CHRND: variants seen among roughly 807,000 people sequenced by gnomAD.
CHRND encodes the protein acetylcholine receptor subunit delta.
CHRND carries 40 observed loss-of-function variants against 57.8 expected under a neutral mutation model. The ratio of observed to expected loss-of-function variants is 0.69; its 90% CI spans 0.54 to 0.90. The LOEUF is 0.90. CHRND is among the 40% of genes least tolerant of loss of function. The pLI is 0.00. For missense variants in CHRND, 634 were observed against 673.9 expected (o/e 0.94, Z 0.66); for synonymous variants, 237 against 270.6 (o/e 0.88, Z 1.22).
chr2:232,526,440 C>A, intron 1 of CHRND, 89 bp from the exon 2 acceptor site: 1 of 1,598,546 alleles, frequency 6.3e-7, no homozygotes, highest in Non-Finnish European at 8.5e-7. Flanking sequence ...CTCATCCCAA[C>A]CTCATGGTCC....
chr2:232,533,906 T>C, intron 9 of CHRND, 25 bp from the exon 10 acceptor site: 2 of 1,609,606 alleles, frequency 1.2e-6, no homozygotes, highest in Non-Finnish European at 1.7e-6. Flanking sequence ...AACGCCTTTC[T>C]TGTGGCCCCT....
rs60481847 is a variant in CHRND, at chr2:232,527,302, G to GA, written c.199-90dup. 2.9e-3 allele frequency: 2,756 copies of GA among 940,454 alleles called. 29 individuals are homozygous for GA. The highest frequency in any genetic ancestry group is 0.028 in the African/African-American group (1,731 of 60,938). The allele number at this position is 940,454 out of a possible 1,614,324, so 58.3% of individuals were successfully genotyped here. On this transcript the variant is annotated intron_variant, in intron 2 of 11. Transcript: ENST00000258385. ...TCCTGGGCAATTGAGCAAGACCCTG[G>GA]AAAAAAAAAGAGAGAGAGAGAGAGA...
At chr2:232,526,376 G>A (rs368375643) in intron 1 of CHRND, 109 bp downstream of exon 1, 1 of 1,512,068 alleles carries the variant, frequency 6.6e-7, no homozygotes, top group Non-Finnish European at 9.0e-7. Context: ...CTCTCCCTGT[G>A]GGGGGCCGCC....
intron 9 of CHRND, 87 bp from the exon 10 acceptor site, chr2:232,533,844 T>C: frequency 7.1e-7 from 1 of 1,414,250 alleles, no homozygotes; most frequent in East Asian, 2.3e-5. Context: ...GCCACTGCAC[T>C]CCAGCCTGGT....
At chr2:232,531,279 C>T (rs1299405447) in intron 7 of CHRND, 73 bp from the exon 8 acceptor site, 34 of 767,736 alleles carry the variant, frequency 4.4e-5, no homozygotes, top group South Asian at 1.3e-4. Flanking sequence ...CCTCTAGGAC[C>T]GGTGCCCCAA....
Position 232,536,631 on chromosome 2 carries a change from G to C in CHRND, c.*1319G>C, listed in dbSNP as rs1365062474. 30 of 361,292 alleles carry C rather than the reference G, an allele frequency of 8.3e-5. No individual in the cohort carries two copies. The highest frequency in any genetic ancestry group is 1.1e-5 in the Non-Finnish European group (2 of 183,478). 22.4% of individuals were successfully genotyped at this position (361,292 alleles called of 1,614,324 possible). A position where few individuals can be genotyped will look rare whatever the true frequency, so the allele number is the denominator to read the frequency against. ...CCTGGATTCCTGACCCCCAGAAACT[G>C]TGTGAGATAATAAATGTGTGTTGTT... On this transcript the variant is annotated 3_prime_UTR_variant, in exon 12 of 12. Coordinates refer to ENST00000258385, the MANE Select transcript of CHRND (RefSeq NM_000751.3).
chr2:232,529,841 G>A (rs993532291), intron 6 of CHRND, 98 bp from the exon 7 acceptor site: 68 of 1,333,694 alleles, frequency 5.1e-5, no homozygotes, highest in Non-Finnish European at 6.7e-5. Flanking sequence ...CTGCGTCTCT[G>A]GACTGGCTTG....
rs1166617163 is a variant in CHRND at position 232,530,100 on chromosome 2, T to A, written c.781T>A (p.Ser261Thr). Residue 261 changes from serine to threonine, a missense_variant, in exon 7 of 12, where the codon TCC becomes ACC. Transcript: ENST00000258385. ...CATCCTGGTGCCCTGCGTGCTCATC[T>A]CCTTCATGGTCAACCTGGTCTTCTA... ...INILVPCVLI[S>T]FMVNLVFYLP... is the part of the protein sequence containing the mutation. 6.2e-7 allele frequency: 1 copy of A among 1,613,952 alleles called. No individual in the cohort carries two copies. The highest frequency in any genetic ancestry group is 8.5e-7 in the Non-Finnish European group (1 of 1,179,998).
intron 9 of CHRND, among the ~76,000 whole-genome samples, chr2:232,533,060 G>T (rs778372569): frequency 1.3e-5 from 2 of 151,958 alleles, no homozygotes; most frequent in African/African-American, 2.4e-5. Flanking sequence ...TCCCTCTGTC[G>T]CCCAGGCTGG....
intron 11 of CHRND, among the ~76,000 whole-genome samples, chr2:232,534,920 C>T (rs1691830342): frequency 6.6e-6 from 1 of 152,204 alleles, no homozygotes; most frequent in African/African-American, 2.4e-5. Flanking sequence ...ATGGTCTGTT[C>T]CCGCCTCCTC....
chr2:232,528,779 A>G, intron 5 of CHRND, 83 bp from the exon 6 acceptor site: 14 of 1,561,350 alleles, frequency 9.0e-6, no homozygotes, highest in Non-Finnish European at 1.2e-5. Context: ...CCTCCCCACA[A>G]TGGTCCTCCC....
chr2:232,533,955 C>A lies in CHRND; in HGVS notation c.1072C>A (p.Leu358Ile), dbSNP rs1470717079. ...KKLFLETLPE[L>I]LHMSRPAEDG... Reference sequence around the variant, plus strand: ...GCTCTTCCTGGAGACCCTGCCGGAGCTCCTGCACATGTCCCGCCCAGCAGA... The same window carrying A: ...GCTCTTCCTGGAGACCCTGCCGGAGATCCTGCACATGTCCCGCCCAGCAGA... Residue 358 changes from leucine to isoleucine, a missense_variant, in exon 10 of 12, where the codon CTC (leucine) becomes ATC (isoleucine). Leu to Ile is a conservative substitution (Grantham distance 5). Coordinates refer to ENST00000258385, the MANE Select transcript of CHRND (RefSeq NM_000751.3). 6.2e-7 allele frequency: 1 copy of A among 1,613,236 alleles called. No homozygotes were observed. Among genetic ancestry groups the A allele is most frequent in the Non-Finnish European group, 8.5e-7 (1 of 1,179,962 alleles).
rs187837692 is a variant in CHRND, at chr2:232,526,668, C to T, written c.192C>T (p.Ile64=). The T allele has an allele frequency of 4.3e-6, 7 of 1,613,534 alleles. No homozygotes were observed. The East Asian group carries it at 1.6e-4, about 36-fold the overall frequency. The change falls in exon 2 of 12, where the codon ATC becomes ATT. Residue 64 remains isoleucine (I), a synonymous_variant. Transcript: ENST00000258385. The stretch of plus-strand genomic sequence containing the variant: ...TGGCCCTCACACTCTCCAACCTCAT[C>T]TCCCTGGTGAGAGGCCCTCCGGTGC... ...VALALTLSNL[I]SLKEVEETLT... is the part of the protein sequence containing the mutation.
At chr2:232,529,744 G>A (rs1221933114) in intron 6 of CHRND, among the ~76,000 whole-genome samples, 195 bp from the exon 7 acceptor site, 1 of 152,154 alleles carries the variant, frequency 6.6e-6, no homozygotes, top group African/African-American at 2.4e-5. Context: ...ATCAGTCACA[G>A]AGGAAGATTT....
At position 232,536,344 on chromosome 2, in the gene CHRND, C is replaced by T. The variant is rs886055786; in HGVS notation, c.*1032C>T. ...TTCCCAGATTTGGTTAGGAAAGACA[C>T]TATGGCCTCTTTCTTGCTCATTAGC... On this transcript the variant is annotated 3_prime_UTR_variant, in exon 12 of 12. Transcript: ENST00000258385. 7 of 454,038 alleles carry T rather than the reference C, an allele frequency of 1.5e-5. No individual in the cohort carries two copies. Among genetic ancestry groups the T allele is most frequent in the African/African-American group, 4.0e-5 (2 of 50,024 alleles). 28.1% of individuals were successfully genotyped at this position (454,038 alleles called of 1,614,324 possible).
At position 232,532,393 on chromosome 2, in the gene CHRND, G is replaced by A. The variant is rs535338553; in HGVS notation, c.1047+737G>A. 3.4e-5 allele frequency among the ~76,000 whole-genome samples: 5 copies of A among 149,112 alleles called. No individual in the cohort carries two copies. The South Asian group carries it at 6.4e-4, about 19-fold the overall frequency. ...TGAGGTACGAGAATCGCTTGAACTCGGGAGGTGGAGGTTGCAGTGAGCCGA... is the reference window on the plus strand; with the variant it reads ...TGAGGTACGAGAATCGCTTGAACTCAGGAGGTGGAGGTTGCAGTGAGCCGA... On this transcript the variant is annotated intron_variant, in intron 9 of 11. Coordinates refer to ENST00000258385, the MANE Select transcript of CHRND (RefSeq NM_000751.3).
rs532380193 is a variant in CHRND at position 232,530,246 on chromosome 2, C to T, written c.820+107C>T. On this transcript the variant is annotated intron_variant, in intron 7 of 11. Coordinates refer to ENST00000258385, the MANE Select transcript of CHRND (RefSeq NM_000751.3). ...CCTCCTGGGAGCCACCTGGGGTCTC[C>T]ATTCCTGGAGCTCCCTGCCTGGATC... 197 of 1,197,832 alleles carry T rather than the reference C, an allele frequency of 1.6e-4. 3 individuals are homozygous for T. The South Asian group carries it at 2.4e-3, about 15-fold the overall frequency. 74.2% of individuals were successfully genotyped at this position (1,197,832 alleles called of 1,614,324 possible).
rs1691807061 is a variant in CHRND at position 232,534,134 on chromosome 2, A to G, written c.1251A>G (p.Ala417=). Residue 417 remains alanine, a splice_region_variant and synonymous_variant, in exon 10 of 12, where the codon GCA becomes GCG. Transcript: ENST00000258385. ...GGCTGGCCAGGCGCCTCACCACTGC[A>G]CGTGGGTCCCCGCTGGTCTTGGTTT... ...RHGLARRLTT[A]RRPPASSEQA... 1 of 1,614,060 alleles carries G rather than the reference A, an allele frequency of 6.2e-7. No homozygotes were observed. The highest frequency in any genetic ancestry group is 2.2e-5 in the East Asian group (1 of 44,878).
In CHRND at chr2:232,535,818, C is replaced by G; in HGVS notation, c.*506C>G. Reference sequence around the variant, plus strand: ...CCTCCAGACCCCAGAGTATCCTTTCCTAGCTCTTTCTGCCTTGACCTCTCT... The same window carrying G: ...CCTCCAGACCCCAGAGTATCCTTTCGTAGCTCTTTCTGCCTTGACCTCTCT... On this transcript the variant is annotated 3_prime_UTR_variant, in exon 12 of 12. Coordinates refer to ENST00000258385, the MANE Select transcript of CHRND (RefSeq NM_000751.3). 2 of 454,290 alleles carry G rather than the reference C, an allele frequency of 4.4e-6. No homozygotes were observed. Among genetic ancestry groups the G allele is most frequent in the Non-Finnish European group, 4.4e-6 (1 of 226,914 alleles). 28.1% of individuals were successfully genotyped at this position (454,290 alleles called of 1,614,324 possible).
Sources: gnomAD v4.1 joint callset for allele counts (sites outside exome capture counted in the v4.1 genomes callset) on GRCh38, gnomAD v4.1.1 for gene constraint, MANE v1.5 for transcripts, NCBI Gene and HGNC (gene_info 2026-07-23, HGNC 2026-07-21) for gene names.